Variants in TMEM178A observed in about 807,000 individuals in gnomAD.
The protein encoded by TMEM178A is transmembrane protein 178A, also known as transmembrane protein 178.
Under a neutral mutation model 29.1 loss-of-function variants are expected in TMEM178A, and 12 were observed. That is an observed-to-expected ratio of 0.41 (90% CI 0.26 to 0.67). The LOEUF (loss-of-function observed/expected upper bound fraction) is 0.67, where lower values mean the gene tolerates loss of function less well. Ranked by LOEUF, TMEM178A falls within the 30% of genes least tolerant of loss-of-function variation. TMEM178A has a pLI of 0.29. For missense variants in TMEM178A, 366 were observed against 419.1 expected, an observed-to-expected ratio of 0.87 and a Z score of 1.11; for synonymous variants, 210 against 187.2, an observed-to-expected ratio of 1.12 and a Z score of -0.99.
At chr2:39,691,723 T>G (rs773062243) in intron 1 of TMEM178A, among the ~76,000 whole-genome samples, 5 of 152,012 alleles carry the variant, frequency 3.3e-5, no homozygotes, top group Non-Finnish European at 5.9e-5. Context: ...TAGCCAAATA[T>G]TCACAATAGC....
chr2:39,697,671 G>A (rs1212356587), intron 1 of TMEM178A: 1 of 152,228 alleles, frequency 6.6e-6, no homozygotes, highest in East Asian at 1.9e-4. Context: ...TTTAGCCTGA[G>A]AGCCCCATGG....
chr2:39,725,374 A>G, the TMEM178A span, among the ~76,000 whole-genome samples: 1 of 152,180 alleles, frequency 6.6e-6, no homozygotes, highest in Non-Finnish European at 1.5e-5. Flanking sequence ...GGTGTCAGAA[A>G]ATGTCAAGCT....
chr2:39,720,889 A>G (rs1558470249), downstream of TMEM178A, among the ~76,000 whole-genome samples: 1 of 152,222 alleles, frequency 6.6e-6, no homozygotes, highest in African/African-American at 2.4e-5. Flanking sequence ...TAAAGGGACT[A>G]TTAACCCAAA....
At chr2:39,684,017 C>T (rs918321286) in intron 1 of TMEM178A, among the ~76,000 whole-genome samples, 12 of 152,278 alleles carry the variant, frequency 7.9e-5, no homozygotes, top group Middle Eastern at 3.4e-3. Context: ...GTTCTGTTCA[C>T]GTAACTTTTC....
chr2:39,707,736 G>T (rs1477783913), intron 3 of TMEM178A, among the ~76,000 whole-genome samples: 2 of 152,186 alleles, frequency 1.3e-5, no homozygotes, highest in African/African-American at 2.4e-5. Context: ...AAAGTGCTGG[G>T]ATTACAGGCA....
chr2:39,733,326 A>C, the TMEM178A span, among the ~76,000 whole-genome samples: 2 of 152,226 alleles, frequency 1.3e-5, no homozygotes, highest in Non-Finnish European at 2.9e-5. Context: ...TGGTTCATAC[A>C]TGATTTTTTC....
At chr2:39,733,942 A>G in the TMEM178A span, among the ~76,000 whole-genome samples, 1 of 152,180 alleles carries the variant, frequency 6.6e-6, no homozygotes, top group African/African-American at 2.4e-5. Context: ...TCTAGCACTT[A>G]GCCCTTTTTT....
downstream of TMEM178A, among the ~76,000 whole-genome samples, chr2:39,722,395 T>C (rs2148125369): frequency 1.3e-5 from 2 of 152,306 alleles, no homozygotes; most frequent in Non-Finnish European, 2.9e-5. Context: ...AGCGTTTATT[T>C]AATGGAGACT....
chr2:39,704,908 C>G (rs1671957529), intron 2 of TMEM178A, among the ~76,000 whole-genome samples: 1 of 152,146 alleles, frequency 6.6e-6, no homozygotes, highest in African/African-American at 2.4e-5. Flanking sequence ...GTTTGGTGGC[C>G]AAAGCCACTG....
chr2:39,715,168 T>G (rs557502865), intron 3 of TMEM178A, among the ~76,000 whole-genome samples: 154 of 152,362 alleles, frequency 1.0e-3, no homozygotes, highest in African/African-American at 3.5e-3. Context: ...ACTCAAGCTT[T>G]CATAGGTCAT....
At chr2:39,681,859 G>A (rs1268687394) in intron 1 of TMEM178A, among the ~76,000 whole-genome samples, 1 of 152,186 alleles carries the variant, frequency 6.6e-6, no homozygotes, top group African/African-American at 2.4e-5. Flanking sequence ...ATATGATCAG[G>A]AGAATAACAT....
At chr2:39,672,376 G>C (rs938542731) in intron 1 of TMEM178A, among the ~76,000 whole-genome samples, 5 of 152,170 alleles carry the variant, frequency 3.3e-5, no homozygotes, top group African/African-American at 1.2e-4. Flanking sequence ...AAAAGGAAGA[G>C]TTTGCTATGT....
the TMEM178A span, among the ~76,000 whole-genome samples, chr2:39,731,365 C>A: frequency 6.6e-6 from 1 of 152,136 alleles, no homozygotes; most frequent in Non-Finnish European, 1.5e-5. Context: ...CATGATTCTG[C>A]GGGCTGAGAA....
chr2:39,673,936 C>G (rs903721003), intron 1 of TMEM178A, among the ~76,000 whole-genome samples: 5 of 152,102 alleles, frequency 3.3e-5, no homozygotes, highest in Admixed American at 3.3e-4. Context: ...TGGGAATGTG[C>G]TTTCCCTAAC....
At chr2:39,697,200 C>A (rs1671581333) in intron 1 of TMEM178A, among the ~76,000 whole-genome samples, 1 of 152,176 alleles carries the variant, frequency 6.6e-6, no homozygotes, top group African/African-American at 2.4e-5. Context: ...CCTAATTTGT[C>A]TTTGGTTGCT....
the TMEM178A span, among the ~76,000 whole-genome samples, chr2:39,730,359 T>A: frequency 6.6e-6 from 1 of 152,286 alleles, no homozygotes; most frequent in Non-Finnish European, 1.5e-5. Context: ...CAGATTCCCA[T>A]ACAACTGGTG....
intron 1 of TMEM178A, among the ~76,000 whole-genome samples, chr2:39,700,697 A>G (rs1417819232): frequency 6.6e-6 from 1 of 151,206 alleles, no homozygotes; most frequent in South Asian, 2.1e-4. Context: ...TATAGATGCC[A>G]TTTTTCTATT....
intron 1 of TMEM178A, among the ~76,000 whole-genome samples, chr2:39,695,877 A>G (rs1671518422): frequency 6.6e-6 from 1 of 152,170 alleles, no homozygotes; most frequent in Non-Finnish European, 1.5e-5. Flanking sequence ...ATTTAAATAA[A>G]CAATTATATA....
chr2:39,727,958 A>G, the TMEM178A span, among the ~76,000 whole-genome samples: 1 of 152,258 alleles, frequency 6.6e-6, no homozygotes, highest in Non-Finnish European at 1.5e-5. Flanking sequence ...AATCCAGTCT[A>G]TCATTGATGG....
Sources: gnomAD v4.1 joint callset for allele counts (sites outside exome capture counted in the v4.1 genomes callset) on GRCh38, gnomAD v4.1.1 for gene constraint, MANE v1.5 for transcripts, NCBI Gene and HGNC (gene_info 2026-07-23, HGNC 2026-07-21) for gene names.